Variants in SRGAP2 observed in about 807,000 individuals in gnomAD.
SRGAP2 encodes SLIT-ROBO Rho GTPase activating protein 2, also known as SLIT-ROBO Rho GTPase-activating protein 2.
SRGAP2 carries 15 observed loss-of-function variants against 57.2 expected under a neutral mutation model. That is an observed-to-expected ratio of 0.26 (90% CI 0.18 to 0.40). The LOEUF (loss-of-function observed/expected upper bound fraction) is 0.40. SRGAP2 is among the 10% of genes least tolerant of loss of function. The pLI, the probability that SRGAP2 is intolerant of heterozygous loss-of-function variation, is 1.00. For missense variants in SRGAP2, 520 were observed against 669.6 expected (o/e 0.78, Z 2.47); for synonymous variants, 249 against 248.0 (o/e 1.00, Z -0.04).
chr1:206,210,136 T>G (rs1243615082), intron 2 of SRGAP2, among the ~76,000 whole-genome samples: 3 of 150,548 alleles, frequency 2.0e-5, no homozygotes, highest in African/African-American at 7.4e-5. Flanking sequence ...GCAGCGAAGG[T>G]GGTAAGTTGC....
intron 4 of SRGAP2, among the ~76,000 whole-genome samples, chr1:206,372,818 GA>G (rs1299449660): frequency 1.2e-5 from 1 of 85,616 alleles, no homozygotes; most frequent in Non-Finnish European, 2.3e-5. Context: ...TAAGGATAAA[GA>G]AAGATTTAAA....
At chr1:206,372,951 CTTTCTTTTCTTTCCTTT>C (rs1158260774) in intron 4 of SRGAP2, among the ~76,000 whole-genome samples, 137 of 11,334 alleles carry the variant, frequency 0.012, 10 homozygotes, top group African/African-American at 0.04. Context: ...TTCTTTCTTT[CTTTCTTTTCTTTCCTTT>C]CTTTCTTTCT....
intron 8 of SRGAP2, among the ~76,000 whole-genome samples, chr1:206,404,448 C>T (rs1268389123): frequency 2.6e-5 from 4 of 152,078 alleles, no homozygotes; most frequent in African/African-American, 9.7e-5. Context: ...GTGACAGGAG[C>T]TGTCTCCACA....
intron 2 of SRGAP2, among the ~76,000 whole-genome samples, chr1:206,302,059 C>T (rs1193477054): frequency 6.6e-6 from 1 of 151,918 alleles, no homozygotes; most frequent in African/African-American, 2.4e-5. Flanking sequence ...TGCAACTGTG[C>T]TATTTGGGAA....
At chr1:206,445,187 G>A (rs1662648381) in intron 17 of SRGAP2, among the ~76,000 whole-genome samples, 1 of 152,228 alleles carries the variant, frequency 6.6e-6, no homozygotes, top group African/African-American at 2.4e-5. Context: ...TGCAGGCTGT[G>A]TTGGGGAGGT....
chr1:206,375,102 A>G (rs1399723411), intron 4 of SRGAP2, among the ~76,000 whole-genome samples: 1 of 123,414 alleles, frequency 8.1e-6, no homozygotes, highest in Non-Finnish European at 1.7e-5. Context: ...CCCCCAGCTC[A>G]TAGATTTCCT....
At chr1:206,312,461 G>A (rs1363785794) in intron 3 of SRGAP2, among the ~76,000 whole-genome samples, 1 of 151,880 alleles carries the variant, frequency 6.6e-6, no homozygotes, top group African/African-American at 2.4e-5. Flanking sequence ...GTCAGCCTTT[G>A]GCTTTGCTTC....
intron 2 of SRGAP2, among the ~76,000 whole-genome samples, chr1:206,257,765 A>G (rs1358437970): frequency 1.6e-5 from 2 of 126,868 alleles, no homozygotes; most frequent in African/African-American, 5.7e-5. Context: ...TACTATATAT[A>G]TACATGCAAC....
At chr1:206,353,492 C>G (rs1338081179) in intron 4 of SRGAP2, among the ~76,000 whole-genome samples, 1 of 151,696 alleles carries the variant, frequency 6.6e-6, no homozygotes, top group African/African-American at 2.4e-5. Context: ...ACTAAAAATA[C>G]AAAAATTAGC....
At chr1:206,283,500 C>G (rs1220795794) in intron 2 of SRGAP2, among the ~76,000 whole-genome samples, 2 of 150,964 alleles carry the variant, frequency 1.3e-5, no homozygotes, top group African/African-American at 2.4e-5. Flanking sequence ...ATGGTGTAAC[C>G]CCATCTCTAC....
rs1664364336 is a variant in SRGAP2 at position 206,463,125 on chromosome 1, T to G, written c.*1705T>G. On this transcript the variant is annotated 3_prime_UTR_variant, in exon 23 of 23. Coordinates refer to ENST00000573034, the MANE Select transcript of SRGAP2 (RefSeq NM_015326.5). ...TTGGACCAACCTGCGAAATTGGTAG[T>G]TAGGTCTATGGAAAGTGGTAGGATT... 6.6e-6 allele frequency: 1 copy of G among 150,660 alleles called. No individual in the cohort carries two copies. The highest frequency in any genetic ancestry group is 2.1e-4 in the South Asian group (1 of 4,726). 9.3% of individuals were successfully genotyped at this position (150,660 alleles called of 1,614,324 possible). A position where few individuals can be genotyped will look rare whatever the true frequency, so the allele number is the denominator to read the frequency against.
At chr1:206,442,894 A>G (rs1165107102) in intron 17 of SRGAP2, among the ~76,000 whole-genome samples, 2 of 151,954 alleles carry the variant, frequency 1.3e-5, no homozygotes, top group Non-Finnish European at 2.9e-5. Context: ...CTTTTTCTTC[A>G]TTGCTGTGAG....
At chr1:206,356,609 A>G (rs1199583054) in intron 4 of SRGAP2, among the ~76,000 whole-genome samples, 2 of 152,094 alleles carry the variant, frequency 1.3e-5, no homozygotes, top group African/African-American at 4.8e-5. Flanking sequence ...AGCACCTTTG[A>G]TTTTAGCCTC....
intron 17 of SRGAP2, among the ~76,000 whole-genome samples, chr1:206,445,005 A>G (rs1662632351): frequency 6.6e-6 from 1 of 152,200 alleles, no homozygotes; most frequent in South Asian, 2.1e-4. Context: ...GTGAGGCTGG[A>G]TGAGGGGTAC....
At position 206,364,299 on chromosome 1, in the gene SRGAP2, C is replaced by CTTT. The variant is rs1194605542; in HGVS notation, c.424-19697_424-19695dup. 3.5e-4 allele frequency among the ~76,000 whole-genome samples: 41 copies of CTTT among 118,574 alleles called. 2 individuals are homozygous for CTTT. Among genetic ancestry groups the CTTT allele is most frequent in the African/African-American group, 9.0e-4 (27 of 30,034 alleles). 77.8% of individuals were successfully genotyped at this position (118,574 alleles called of 152,430 possible). ...TCTATATAACCTCTGGGTTGCTCTT[C>CTTT]TTTTTTTTTTTTTTTTTTTTGAGAT... is the stretch of plus-strand genomic sequence containing the variant. On this transcript the variant is annotated intron_variant, in intron 4 of 22. Coordinates refer to ENST00000573034, the MANE Select transcript of SRGAP2 (RefSeq NM_015326.5).
intron 2 of SRGAP2, among the ~76,000 whole-genome samples, chr1:206,266,495 TG>T (rs1318747516): frequency 6.6e-6 from 1 of 152,208 alleles, no homozygotes; most frequent in East Asian, 1.9e-4. Context: ...CTCCCGCCTC[TG>T]ACTCCCAAAC....
chr1:206,459,594 C>G (rs1219586021), intron 22 of SRGAP2, among the ~76,000 whole-genome samples: 1 of 152,086 alleles, frequency 6.6e-6, no homozygotes, highest in African/African-American at 2.4e-5. Context: ...GAGATCCAAC[C>G]CCACCTCTAA....
chr1:206,303,908 A>T (rs1372485641), intron 3 of SRGAP2, among the ~76,000 whole-genome samples: 3 of 151,774 alleles, frequency 2.0e-5, no homozygotes, highest in African/African-American at 7.3e-5. Flanking sequence ...ACACACACAC[A>T]CACACACACA....
chr1:206,421,598 C>T (rs782325082), intron 13 of SRGAP2, among the ~76,000 whole-genome samples: 2 of 152,172 alleles, frequency 1.3e-5, no homozygotes, highest in Non-Finnish European at 2.9e-5. Context: ...CTTGACACTT[C>T]CTACATTTGT....
Sources: gnomAD v4.1 joint callset for allele counts (sites outside exome capture counted in the v4.1 genomes callset) on GRCh38, gnomAD v4.1.1 for gene constraint, MANE v1.5 for transcripts, NCBI Gene and HGNC (gene_info 2026-07-23, HGNC 2026-07-21) for gene names.